Variants in FGD4 observed in about 807,000 individuals in gnomAD.
FGD4 encodes the protein FYVE, RhoGEF and PH domain-containing protein 4.
In FGD4, 42 loss-of-function variants were observed where a neutral mutation model predicts 102.0. The ratio of observed to expected loss-of-function variants is 0.41; its 90% CI spans 0.32 to 0.53. The LOEUF (loss-of-function observed/expected upper bound fraction) is 0.53, where lower values mean the gene tolerates loss of function less well. FGD4 is among the 20% of genes least tolerant of loss of function. The probability of loss-of-function intolerance (pLI) is 0.21; values close to 1 mark genes in which losing one functional copy is unlikely to be tolerated. For synonymous variants in FGD4, 380 were observed against 375.7 expected (o/e 1.01, Z -0.13); for missense variants, 902 against 1,078.2 (o/e 0.84, Z 2.29).
At chr12:32,437,198 C>T (rs1942261714) in intron 1 of FGD4, among the ~76,000 whole-genome samples, 1 of 151,944 alleles carries the variant, frequency 6.6e-6, no homozygotes, top group Non-Finnish European at 1.5e-5. Flanking sequence ...AATACATTCT[C>T]TTTCGGGTCA....
At chr12:32,481,897 C>T (rs1943777209) in intron 1 of FGD4, among the ~76,000 whole-genome samples, 1 of 151,890 alleles carries the variant, frequency 6.6e-6, no homozygotes, top group African/African-American at 2.4e-5. Context: ...GTTTCAAGTG[C>T]TCATGTGGCC....
At chr12:32,587,717 A>G (rs890445884) in intron 4 of FGD4, among the ~76,000 whole-genome samples, 3 of 152,166 alleles carry the variant, frequency 2.0e-5, no homozygotes, top group Non-Finnish European at 2.9e-5. Flanking sequence ...TCTCCAGGCC[A>G]TGGCTTCCTG....
chr12:32,402,117 ATTTTTTTTT>A lies in FGD4; in HGVS notation c.166+2179_166+2187del, dbSNP rs56852726. Among the ~76,000 whole-genome samples, 388 of 105,184 alleles carry A rather than the reference ATTTTTTTTT, an allele frequency of 3.7e-3. 5 individuals carry two copies. Among genetic ancestry groups the A allele is most frequent in the African/African-American group, 0.011 (302 of 27,866 alleles). The allele number at this position is 105,184 out of a possible 152,430, so 69.0% of individuals were successfully genotyped here. ...CGGAGTTTCACCATGTTGGCCAGGC[ATTTTTTTTT>A]TTTTTTTTTTTTTTTTTTTTAAAGA... On this transcript the variant is annotated intron_variant, in intron 1 of 16. Transcript: ENST00000534526.
chr12:32,413,925 A>G (rs1941300506), intron 1 of FGD4, among the ~76,000 whole-genome samples: 1 of 150,448 alleles, frequency 6.6e-6, no homozygotes, highest in Admixed American at 6.6e-5. Context: ...TTGGACAGAA[A>G]GATAACTGAG....
intron 1 of FGD4, among the ~76,000 whole-genome samples, chr12:32,412,992 C>T (rs532262874): frequency 7.4e-6 from 1 of 135,276 alleles, no homozygotes; most frequent in Non-Finnish European, 1.5e-5. Context: ...GGGAGGATTG[C>T]TTGAGTTTGG....
chr12:32,540,792 T>G (rs1942758914), intron 1 of FGD4, among the ~76,000 whole-genome samples: 1 of 152,086 alleles, frequency 6.6e-6, no homozygotes, highest in South Asian at 2.1e-4. Flanking sequence ...CTCGAACTCC[T>G]GACTTCAGGT....
Position 32,602,261 on chromosome 12 carries a change from G to A in FGD4, c.1348G>A (p.Val450Ile), listed in dbSNP as rs768392772. Residue 450 changes from valine (V) to isoleucine (I), a missense_variant, in exon 7 of 17, where the codon GTT becomes ATT. Coordinates refer to ENST00000534526, the MANE Select transcript of FGD4 (RefSeq NM_001370298.3). ...AGGATTTGATAATGCAATGGAATTGGTTAAAAACATGACAGAACGTATTCC... is the reference window on the plus strand; with the variant it reads ...AGGATTTGATAATGCAATGGAATTGATTAAAAACATGACAGAACGTATTCC... ...VKGFDNAMEL[V>I]KNMTERIPQF... The A allele has an allele frequency of 1.4e-5, 23 of 1,614,136 alleles. No individual in the cohort carries two copies. Among genetic ancestry groups the A allele is most frequent in the Middle Eastern group, 1.7e-4 (1 of 6,060 alleles).
intron 1 of FGD4, among the ~76,000 whole-genome samples, chr12:32,413,409 G>C (rs1280365714): frequency 6.6e-6 from 1 of 152,126 alleles, no homozygotes; most frequent in Non-Finnish European, 1.5e-5. Context: ...ATATTAATGT[G>C]CTGTGTAAAT....
chr12:32,535,600 A>G (rs912752922), intron 1 of FGD4, among the ~76,000 whole-genome samples: 1 of 151,608 alleles, frequency 6.6e-6, no homozygotes, highest in African/African-American at 2.4e-5. Context: ...AGGTCTTGTG[A>G]TCTCTCCAAA....
chr12:32,576,113 A>G (rs1946105715), intron 2 of FGD4, among the ~76,000 whole-genome samples, 153 bp from the exon 3 acceptor site: 1 of 152,222 alleles, frequency 6.6e-6, no homozygotes, highest in Admixed American at 6.5e-5. Flanking sequence ...AATGAACAAA[A>G]GTCTTTTGGT....
At chr12:32,495,738 A>C in intron 1 of FGD4, among the ~76,000 whole-genome samples, 3 of 145,984 alleles carry the variant, frequency 2.1e-5, no homozygotes, top group East Asian at 2.0e-4. Context: ...CCCCTCCACT[A>C]CCTCCTTCCA....
chr12:32,418,057 C>T (rs935414808), intron 1 of FGD4, among the ~76,000 whole-genome samples: 7 of 150,948 alleles, frequency 4.6e-5, no homozygotes, highest in African/African-American at 1.2e-4. Context: ...CCTGGGTTCA[C>T]GCCATTCTCC....
chr12:32,537,956 C>T (rs1032128992), intron 1 of FGD4, among the ~76,000 whole-genome samples: 3 of 152,094 alleles, frequency 2.0e-5, no homozygotes, highest in African/African-American at 4.8e-5. Context: ...AGTGCAGTGG[C>T]GCAGTCTTGG....
chr12:32,577,400 G>A lies in FGD4; in HGVS notation c.503+951G>A, dbSNP rs541314985. Among the ~76,000 whole-genome samples the A allele has an allele frequency of 1.4e-4, 22 of 152,150 alleles. No individual in the cohort carries two copies. In the East Asian group the frequency reaches 2.5e-3, roughly 17 times the overall value. ...AGGGTGATTTTATTATTTATTTGTC[G>A]GATTTACTGTTACTTATGTAATGAA... On this transcript the variant is annotated intron_variant, in intron 3 of 16. Transcript: ENST00000534526.
At position 32,410,184 on chromosome 12, in the gene FGD4, C is replaced by T. The variant is rs576663905; in HGVS notation, c.166+10225C>T. On this transcript the variant is annotated intron_variant, in intron 1 of 16. Transcript: ENST00000534526. ...TCTACTAAAAATACAAAAAATTAGC[C>T]GGGTCTGGTGGCGGGCGCCTGCAGT... Among the ~76,000 whole-genome samples the T allele has an allele frequency of 3.1e-4, 47 of 152,036 alleles. 1 individual carries two copies. The South Asian group carries it at 8.5e-3, about 28-fold the overall frequency.
chr12:32,591,555 G>A (rs1259689852), intron 4 of FGD4, among the ~76,000 whole-genome samples: 4 of 152,162 alleles, frequency 2.6e-5, no homozygotes, highest in South Asian at 4.1e-4. Flanking sequence ...TGGTAGCTTC[G>A]AGGCACATGG....
chr12:32,466,032 C>T (rs779783234), intron 1 of FGD4, among the ~76,000 whole-genome samples: 7 of 152,174 alleles, frequency 4.6e-5, no homozygotes, highest in Non-Finnish European at 8.8e-5. Context: ...CCCACCTCGG[C>T]CTCCCAAAGT....
At chr12:32,450,885 G>A (rs1258007612) in intron 1 of FGD4, among the ~76,000 whole-genome samples, 1 of 152,010 alleles carries the variant, frequency 6.6e-6, no homozygotes, top group Non-Finnish European at 1.5e-5. Flanking sequence ...TACTTACTTA[G>A]TCAATCCTGC....
chr12:32,473,745 T>C (rs1943503313), intron 1 of FGD4, among the ~76,000 whole-genome samples: 1 of 152,124 alleles, frequency 6.6e-6, no homozygotes, highest in East Asian at 1.9e-4. Context: ...CATATAATGG[T>C]AAGGCAGGGA....
Sources: allele counts gnomAD v4.1 joint callset (sites outside exome capture counted in the v4.1 genomes callset), GRCh38; gene constraint gnomAD v4.1.1; transcripts MANE v1.5; gene names NCBI Gene and HGNC (gene_info 2026-07-23, HGNC 2026-07-21).